The following PALLD variants were observed in gnomAD, a reference collection of about 807,000 sequenced individuals.
The protein encoded by PALLD is palladin, cytoskeletal associated protein.
In PALLD, 61 loss-of-function variants were observed where a neutral mutation model predicts 123.5. That is an observed-to-expected ratio of 0.49 (90% confidence interval 0.40 to 0.61). The LOEUF is 0.61. Among genes scored for constraint, PALLD ranks in the 20% least tolerant of loss-of-function variants. The pLI is 0.00. For missense variants in PALLD, 1,273 were observed against 1,377.0 expected, an observed-to-expected ratio of 0.92 and a Z score of 1.20; for synonymous variants, 465 against 496.4, an observed-to-expected ratio of 0.94 and a Z score of 0.84.
At chr4:168,652,211 C>G (rs1778125443) in intron 2 of PALLD, among the ~76,000 whole-genome samples, 1 of 152,062 alleles carries the variant, frequency 6.6e-6, no homozygotes, top group Admixed American at 6.6e-5. Context: ...TTTCTTTACT[C>G]TATAGGTGAT....
intron 2 of PALLD, among the ~76,000 whole-genome samples, chr4:168,635,617 T>C (rs969506187): frequency 6.6e-6 from 1 of 152,258 alleles, no homozygotes; most frequent in Non-Finnish European, 1.5e-5. Flanking sequence ...TTCGGTGTTA[T>C]GACACTAGCT....
At chr4:168,748,423 A>G (rs905521826) in intron 10 of PALLD, among the ~76,000 whole-genome samples, 3 of 152,368 alleles carry the variant, frequency 2.0e-5, no homozygotes, top group Middle Eastern at 3.4e-3. Flanking sequence ...TCTAAGTAAT[A>G]TAGGGGGTGA....
intron 9 of PALLD, among the ~76,000 whole-genome samples, chr4:168,709,752 G>GC (rs971965062): frequency 3.3e-5 from 5 of 151,938 alleles, no homozygotes; most frequent in African/African-American, 1.2e-4. Context: ...TGAAACAAAG[G>GC]CTTTAGGGGA....
At chr4:168,507,423 T>C in intron 1 of PALLD, 1 of 185,738 alleles carries the variant, frequency 5.4e-6, no homozygotes, top group Non-Finnish European at 1.1e-5. Flanking sequence ...CCAAGACTTG[T>C]GCCCAGTCTC....
At chr4:168,862,920 A>G (rs1438726100) in intron 10 of PALLD, among the ~76,000 whole-genome samples, 1 of 152,210 alleles carries the variant, frequency 6.6e-6, no homozygotes, top group Non-Finnish European at 1.5e-5. Flanking sequence ...AAGGTCGTCA[A>G]ATTGCCTTCC....
At chr4:168,661,793 T>A (rs773170951) in intron 2 of PALLD, among the ~76,000 whole-genome samples, 1 of 152,154 alleles carries the variant, frequency 6.6e-6, no homozygotes, top group African/African-American at 2.4e-5. Flanking sequence ...GAAAATGAAA[T>A]TTTGGAGACT....
intron 3 of PALLD, among the ~76,000 whole-genome samples, chr4:168,673,290 G>C (rs989764998): frequency 6.6e-6 from 1 of 152,200 alleles, no homozygotes; most frequent in South Asian, 2.1e-4. Context: ...GATGGGATGC[G>C]GTGATCAGGA....
intron 2 of PALLD, among the ~76,000 whole-genome samples, chr4:168,626,400 CAA>C (rs374572213): frequency 0.032 from 3,132 of 98,800 alleles, 151 homozygotes; most frequent in African/African-American, 0.11. Flanking sequence ...GACTCCATCT[CAA>C]AAAAAAAAAA....
intron 2 of PALLD, among the ~76,000 whole-genome samples, chr4:168,636,440 G>A (rs1776352745): frequency 6.6e-6 from 1 of 152,132 alleles, no homozygotes; most frequent in Non-Finnish European, 1.5e-5. Flanking sequence ...AACTACTATT[G>A]TGCCACTGCC....
intron 2 of PALLD, among the ~76,000 whole-genome samples, chr4:168,651,540 T>C (rs960189337): frequency 1.3e-5 from 2 of 152,160 alleles, no homozygotes; most frequent in African/African-American, 4.8e-5. Context: ...CAGCCCGACC[T>C]TGGACCAATT....
At chr4:168,664,148 T>A (rs1460874932) in intron 2 of PALLD, among the ~76,000 whole-genome samples, 2 of 152,230 alleles carry the variant, frequency 1.3e-5, no homozygotes, top group African/African-American at 4.8e-5. Context: ...TATTTGACCA[T>A]GAAATTTTTT....
At chr4:168,811,567 T>C (rs575401934) in intron 10 of PALLD, among the ~76,000 whole-genome samples, 41 of 152,248 alleles carry the variant, frequency 2.7e-4, no homozygotes, top group Non-Finnish European at 4.7e-4. Flanking sequence ...AGACCTCATC[T>C]ACAAAAATTG....
intron 2 of PALLD, among the ~76,000 whole-genome samples, chr4:168,601,385 G>C (rs1031285226): frequency 6.6e-6 from 1 of 152,100 alleles, no homozygotes. Flanking sequence ...AGAAAGCAAT[G>C]ATTCATAAAC....
intron 10 of PALLD, among the ~76,000 whole-genome samples, chr4:168,871,033 C>T (rs1751004857): frequency 6.6e-6 from 1 of 152,066 alleles, no homozygotes; most frequent in South Asian, 2.1e-4. Flanking sequence ...GAGGGCTCAG[C>T]GAAGTGGGAG....
At chr4:168,639,574 T>C (rs560966251) in intron 2 of PALLD, among the ~76,000 whole-genome samples, 113 of 151,478 alleles carry the variant, frequency 7.5e-4, no homozygotes, top group East Asian at 2.1e-3. Context: ...GACGGAGTCT[T>C]GCTCTGTCAC....
chr4:168,860,064 A>G (rs888935467), intron 10 of PALLD, among the ~76,000 whole-genome samples: 17 of 152,230 alleles, frequency 1.1e-4, no homozygotes, highest in Middle Eastern at 3.2e-3. Context: ...TGGCTACCAT[A>G]GTGGGACAGT....
At chr4:168,826,793 T>G (rs539915831) in intron 10 of PALLD, among the ~76,000 whole-genome samples, 2 of 152,300 alleles carry the variant, frequency 1.3e-5, no homozygotes, top group Non-Finnish European at 2.9e-5. Flanking sequence ...GGTAAATACC[T>G]TAACCTCCAC....
chr4:168,644,184 G>A (rs775146564), intron 2 of PALLD, among the ~76,000 whole-genome samples: 12 of 151,250 alleles, frequency 7.9e-5, no homozygotes, highest in Non-Finnish European at 1.3e-4. Context: ...CACCTCCCGG[G>A]TTCAAGTGAT....
chr4:168,629,660 C>A (rs1346056212), intron 2 of PALLD, among the ~76,000 whole-genome samples: 1 of 151,984 alleles, frequency 6.6e-6, no homozygotes, highest in Non-Finnish European at 1.5e-5. Flanking sequence ...GGGTAGATCA[C>A]CCTCAAAAAT....
Sources: gnomAD v4.1 joint callset for allele counts (sites outside exome capture counted in the v4.1 genomes callset) on GRCh38, gnomAD v4.1.1 for gene constraint, MANE v1.5 for transcripts, NCBI Gene and HGNC (gene_info 2026-07-23, HGNC 2026-07-21) for gene names.